OR2L13: variants seen among roughly 807,000 people sequenced by gnomAD.
OR2L13 encodes the protein olfactory receptor family 2 subfamily L member 13, also known as olfactory receptor 2L13.
Under a neutral mutation model 15.3 loss-of-function variants are expected in OR2L13, and 14 were observed. The ratio of observed to expected loss-of-function variants is 0.91; its 90% CI spans 0.60 to 1.43. The LOEUF (loss-of-function observed/expected upper bound fraction) is 1.43. Among genes scored for constraint, OR2L13 ranks in the 40% most tolerant of loss-of-function variants. The pLI, the probability that OR2L13 is intolerant of heterozygous loss-of-function variation, is 0.00. For missense variants in OR2L13, 367 were observed against 387.9 expected, an observed-to-expected ratio of 0.95 and a Z score of 0.45; for synonymous variants, 152 against 142.9, an observed-to-expected ratio of 1.06 and a Z score of -0.45.
At chr1:248,040,677 A>G in the OR2L13 span, 1 of 152,206 alleles carries the variant, frequency 6.6e-6, no homozygotes, top group East Asian at 1.9e-4. Context: ...TATAAGACAT[A>G]TAAGATACAA....
At chr1:248,100,439 A>C in exon 3 of OR2L13, 1 of 443,808 alleles carries the variant, frequency 2.3e-6, no homozygotes, top group Non-Finnish European at 4.1e-6. Context: ...TTAAGCAGTC[A>C]AATAAATTTA....
chr1:248,037,164 T>C, the OR2L13 span, among the ~76,000 whole-genome samples: 3 of 152,162 alleles, frequency 2.0e-5, no homozygotes, highest in Non-Finnish European at 4.4e-5. Flanking sequence ...AAAAAGGTAC[T>C]TAAAATAACA....
At chr1:247,965,653 A>G in the OR2L13 span, 1 of 1,546,466 alleles carries the variant, frequency 6.5e-7, no homozygotes, top group Non-Finnish European at 8.7e-7. Flanking sequence ...TAAGACCATT[A>G]GATTTTTGGG....
chr1:248,060,040 CA>C, the OR2L13 span, among the ~76,000 whole-genome samples: 24,521 of 128,614 alleles, frequency 0.19, 3,690 homozygotes, highest in African/African-American at 0.44. Flanking sequence ...CCCTGTCACT[CA>C]AAAAAAAAAA....
At chr1:247,973,286 G>A in the OR2L13 span, among the ~76,000 whole-genome samples, 2 of 152,052 alleles carry the variant, frequency 1.3e-5, no homozygotes, top group South Asian at 2.1e-4. Flanking sequence ...AGGGCAATTA[G>A]GCAAGAGAAA....
chr1:248,038,948 G>A, the OR2L13 span: 2 of 1,614,116 alleles, frequency 1.2e-6, no homozygotes, highest in Admixed American at 3.3e-5. Context: ...TCTACCGCAT[G>A]CACTCTGCAG....
the OR2L13 span, among the ~76,000 whole-genome samples, chr1:247,960,773 G>T: frequency 6.6e-6 from 1 of 152,172 alleles, no homozygotes; most frequent in East Asian, 1.9e-4. Context: ...TGTGCCATTT[G>T]CTAAGACCAT....
chr1:247,954,483 T>A, the OR2L13 span, among the ~76,000 whole-genome samples: 7 of 152,304 alleles, frequency 4.6e-5, no homozygotes, highest in Non-Finnish European at 1.0e-4. Flanking sequence ...TATTTTAAAA[T>A]ACATTTATAT....
chr1:247,996,775 T>G, the OR2L13 span, among the ~76,000 whole-genome samples: 1 of 152,202 alleles, frequency 6.6e-6, no homozygotes, highest in Admixed American at 6.5e-5. Context: ...ATCTGTCTTT[T>G]GAAGATGTGG....
the OR2L13 span, among the ~76,000 whole-genome samples, chr1:248,052,159 C>T: frequency 6.6e-6 from 1 of 152,140 alleles, no homozygotes; most frequent in Non-Finnish European, 1.5e-5. Flanking sequence ...ATAGTTTTAT[C>T]TCTTGCATTT....
the OR2L13 span, among the ~76,000 whole-genome samples, chr1:248,073,834 A>G: frequency 6.6e-6 from 1 of 151,888 alleles, no homozygotes; most frequent in Non-Finnish European, 1.5e-5. Flanking sequence ...AAAACCACAA[A>G]TCTCTCTCCA....
the OR2L13 span, among the ~76,000 whole-genome samples, chr1:247,970,729 GTAAAACTTGT>G: frequency 6.6e-6 from 1 of 152,184 alleles, no homozygotes; most frequent in Non-Finnish European, 1.5e-5. Context: ...ACAAAGGGAT[GTAAAACTTGT>G]AGAAGAGTTA....
the OR2L13 span, among the ~76,000 whole-genome samples, chr1:248,036,162 G>A: frequency 2.0e-5 from 3 of 151,934 alleles, no homozygotes; most frequent in Admixed American, 6.6e-5. Context: ...TATTTGCTAT[G>A]TGCATTTCTG....
chr1:248,069,088 G>A, the OR2L13 span, among the ~76,000 whole-genome samples: 1 of 152,132 alleles, frequency 6.6e-6, no homozygotes, highest in Non-Finnish European at 1.5e-5. Flanking sequence ...AATCTAGCAA[G>A]GCAGGCCAAA....
chr1:248,067,558 C>A, the OR2L13 span, among the ~76,000 whole-genome samples: 1 of 152,312 alleles, frequency 6.6e-6, no homozygotes, highest in East Asian at 1.9e-4. Flanking sequence ...CAGCTCCCAG[C>A]GTGAGCGATG....
At chr1:248,033,366 C>G in the OR2L13 span, among the ~76,000 whole-genome samples, 1 of 152,166 alleles carries the variant, frequency 6.6e-6, no homozygotes, top group Middle Eastern at 3.4e-3. Flanking sequence ...ACTTGGTTTG[C>G]TTGCCAAAAA....
At chr1:248,099,978 T>C (rs1172603164) in exon 3 of OR2L13, 1 of 1,614,144 alleles carries the variant, frequency 6.2e-7, no homozygotes, top group East Asian at 2.2e-5. Context: ...TTTTTGTAAG[T>C]ACAAGCCTCT....
At chr1:248,021,893 A>T in the OR2L13 span, 5 of 1,400,518 alleles carry the variant, frequency 3.6e-6, no homozygotes, top group Non-Finnish European at 4.0e-6. Context: ...ATGGGGAACT[A>T]CTGTACTTGA....
the OR2L13 span, among the ~76,000 whole-genome samples, chr1:248,077,563 G>A: frequency 6.6e-6 from 1 of 152,122 alleles, no homozygotes; most frequent in East Asian, 1.9e-4. Context: ...TTCTGGTTTA[G>A]TCTTGGTAGA....
Sources: allele counts gnomAD v4.1 joint callset (sites outside exome capture counted in the v4.1 genomes callset), GRCh38; gene constraint gnomAD v4.1.1; transcripts MANE v1.5; gene names NCBI Gene and HGNC (gene_info 2026-07-23, HGNC 2026-07-21).